Variants in PREX1 observed in about 807,000 individuals in gnomAD.
PREX1 encodes the protein phosphatidylinositol 3,4,5-trisphosphate-dependent Rac exchanger 1 protein.
A neutral mutation model predicts 198.3 loss-of-function variants in PREX1; 41 were observed. That is an observed-to-expected ratio of 0.21 (90% CI 0.16 to 0.27). The LOEUF (loss-of-function observed/expected upper bound fraction) is 0.27. PREX1 is among the 10% of genes least tolerant of loss of function. The probability of loss-of-function intolerance (pLI) is 1.00; values close to 1 mark genes in which losing one functional copy is unlikely to be tolerated. For missense variants in PREX1, 1,620 were observed against 2,200.7 expected, an observed-to-expected ratio of 0.74 and a Z score of 5.28; for synonymous variants, 843 against 887.2, an observed-to-expected ratio of 0.95 and a Z score of 0.89.
At chr20:48,776,104 C>T (rs372393503) in intron 1 of PREX1, among the ~76,000 whole-genome samples, 35 of 152,216 alleles carry the variant, frequency 2.3e-4, no homozygotes, top group East Asian at 1.7e-3. Flanking sequence ...TTCCCCTGGA[C>T]GGTAGAGGAC....
At chr20:48,746,991 CACACACACACACACACA>C (rs2090111215) in intron 2 of PREX1, among the ~76,000 whole-genome samples, 5 of 108,610 alleles carry the variant, frequency 4.6e-5, no homozygotes, top group Admixed American at 3.7e-4. Flanking sequence ...CACACACACA[CACACACACACACACACA>C]CACCCCACCC....
chr20:48,848,749 G>A, the PREX1 span, among the ~76,000 whole-genome samples: 2 of 152,146 alleles, frequency 1.3e-5, no homozygotes, highest in East Asian at 1.9e-4. Context: ...ACATTTTTAG[G>A]GGGGGTGGTT....
the PREX1 span, among the ~76,000 whole-genome samples, chr20:48,860,482 G>A: frequency 6.6e-6 from 1 of 152,160 alleles, no homozygotes; most frequent in South Asian, 2.1e-4. Context: ...TGTACTTAAC[G>A]CGTCTGAACT....
chr20:48,698,640 T>C (rs2089859289), intron 7 of PREX1, among the ~76,000 whole-genome samples: 1 of 152,032 alleles, frequency 6.6e-6, no homozygotes, highest in Non-Finnish European at 1.5e-5. Flanking sequence ...AGCCAGCCAC[T>C]GGGAGATAGC....
In PREX1 at chr20:48,644,459, G is replaced by C. The variant is rs775370573; in HGVS notation, c.3551C>G (p.Thr1184Ser). ...NSNRDSVLSY[T>S]SVRSNSSYLG... ...GTAGGAGCTGTTACTTCTCACGCTG[G>C]TGTAGGACAGGACCGAGTCTCGATT... is the stretch of plus-strand genomic sequence containing the variant. Residue 1184 changes from threonine (T) to serine (S), a missense_variant, in exon 27 of 40, where the codon ACC (threonine) becomes AGC (serine). Transcript: ENST00000371941. 2 of 1,613,852 alleles carry C rather than the reference G, an allele frequency of 1.2e-6. No individual in the cohort carries two copies. Among genetic ancestry groups the C allele is most frequent in the African/African-American group, 2.7e-5 (2 of 74,922 alleles).
At chr20:48,710,754 G>A (rs1046045643) in intron 5 of PREX1, among the ~76,000 whole-genome samples, 18 of 152,242 alleles carry the variant, frequency 1.2e-4, no homozygotes, top group African/African-American at 4.3e-4. Context: ...ACAGGCTTGC[G>A]AGCGAAGCTT....
chr20:48,745,026 A>G lies in PREX1; in HGVS notation c.413T>C (p.Phe138Ser), dbSNP rs1416655798. The change falls in exon 3 of 40, where the codon TTC becomes TCC. Residue 138 changes from phenylalanine to serine, a missense_variant and splice_region_variant. Physicochemically the swap from Phe to Ser is radical, Grantham distance 155 (BLOSUM62 -2). Around this residue, in one of 7 missense-constraint regions of PREX1, gnomAD observed 488 missense variants for 802.5 expected, o/e 0.61. Coordinates refer to ENST00000371941, the MANE Select transcript of PREX1 (RefSeq NM_020820.4). ...CAGGGGCAGTGGCATGGTACTCACG[A>G]ATTTTAAGAAAACATTCCCAAGTTC... The part of the protein sequence containing the change: ...QHELGNVFLK[F>S]KDKFCVYEEY... 1 of 1,613,842 alleles carries G rather than the reference A, an allele frequency of 6.2e-7. No homozygotes were observed. Among genetic ancestry groups the G allele is most frequent in the Admixed American group, 1.7e-5 (1 of 60,002 alleles).
At chr20:48,842,515 G>A in the PREX1 span, among the ~76,000 whole-genome samples, 5 of 151,682 alleles carry the variant, frequency 3.3e-5, no homozygotes, top group African/African-American at 7.3e-5. Context: ...TCTCTTCCAC[G>A]TGGGTATATT....
chr20:48,857,503 C>T, the PREX1 span, among the ~76,000 whole-genome samples: 2 of 152,310 alleles, frequency 1.3e-5, no homozygotes, highest in Admixed American at 6.5e-5. Context: ...GCTATGATCA[C>T]ACCACTGCAC....
rs777462728 is a variant in PREX1 at position 48,627,554 on chromosome 20, G to C, written c.4931C>G (p.Ala1644Gly). Residue 1644 changes from alanine to glycine, a missense_variant, in exon 39 of 40, where the codon GCT (alanine) becomes GGT (glycine). Physicochemically the swap from Ala to Gly is moderately conservative, Grantham distance 60. Around this residue, in one of 7 missense-constraint regions of PREX1, gnomAD observed 476 missense variants for 603.4 expected, o/e 0.79. Coordinates refer to ENST00000371941, the MANE Select transcript of PREX1 (RefSeq NM_020820.4). Reference protein sequence around the residue: ...LRVKDQMPQGAPRLYRLCQPP... With the variant: ...LRVKDQMPQGGPRLYRLCQPP... ...GGACGAGGCAGCCACTCACCGCGGAGCACCCTGGGGCATCTGGTCCTTGAC... is the reference window on the plus strand; with the variant it reads ...GGACGAGGCAGCCACTCACCGCGGACCACCCTGGGGCATCTGGTCCTTGAC... 1 of 1,613,968 alleles carries C rather than the reference G, an allele frequency of 6.2e-7. No individual in the cohort carries two copies. Among genetic ancestry groups the C allele is most frequent in the Non-Finnish European group, 8.5e-7 (1 of 1,179,978 alleles).
intron 18 of PREX1, 125 bp downstream of exon 18, chr20:48,656,915 T>C (rs2089548349): frequency 7.9e-7 from 1 of 1,260,092 alleles, no homozygotes; most frequent in Non-Finnish European, 1.1e-6. Context: ...GTCCAGCTTG[T>C]GTTGTGTGAC....
intron 16 of PREX1, among the ~76,000 whole-genome samples, chr20:48,659,269 C>CGA (rs141388612): frequency 1.3e-4 from 12 of 89,974 alleles, no homozygotes; most frequent in South Asian, 9.4e-4. Context: ...AGGACGGGCA[C>CGA]GAGAGAGAGA....
intron 4 of PREX1, among the ~76,000 whole-genome samples, chr20:48,730,112 T>C (rs1006723589): frequency 6.6e-6 from 1 of 151,996 alleles, no homozygotes; most frequent in Non-Finnish European, 1.5e-5. Flanking sequence ...TTCAGACTTC[T>C]GGCCTCCACA....
At chr20:48,645,174 G>A (rs772300240) in intron 26 of PREX1, among the ~76,000 whole-genome samples, 2 of 152,184 alleles carry the variant, frequency 1.3e-5, no homozygotes, top group African/African-American at 2.4e-5. Flanking sequence ...TGCGAGGACT[G>A]GGGGGAAGGT....
At chr20:48,847,376 AAAAAAAAAC>A in the PREX1 span, among the ~76,000 whole-genome samples, 1 of 151,212 alleles carries the variant, frequency 6.6e-6, no homozygotes, top group Non-Finnish European at 1.5e-5. Flanking sequence ...AAAAAAAAAA[AAAAAAAAAC>A]AAACCCTCCC....
At chr20:48,792,795 C>T (rs1404741192) in intron 1 of PREX1, among the ~76,000 whole-genome samples, 1 of 114,870 alleles carries the variant, frequency 8.7e-6, no homozygotes, top group South Asian at 2.7e-4. Context: ...GTGGAAGAAG[C>T]CAGATACAAA....
the PREX1 span, among the ~76,000 whole-genome samples, chr20:48,851,082 C>T: frequency 6.6e-6 from 1 of 152,206 alleles, no homozygotes; most frequent in Non-Finnish European, 1.5e-5. Flanking sequence ...CCTTTGTTTA[C>T]CTATTGTCTG....
At chr20:48,837,133 A>G in the PREX1 span, among the ~76,000 whole-genome samples, 1 of 152,200 alleles carries the variant, frequency 6.6e-6, no homozygotes, top group Non-Finnish European at 1.5e-5. Flanking sequence ...ATCATCTCAC[A>G]CTAATCAGAA....
At chr20:48,869,867 G>A in the PREX1 span, among the ~76,000 whole-genome samples, 1 of 152,084 alleles carries the variant, frequency 6.6e-6, no homozygotes, top group Non-Finnish European at 1.5e-5. Context: ...AGCGGGGAGA[G>A]AGCATTAGGA....
Sources: gnomAD v4.1 joint callset for allele counts (sites outside exome capture counted in the v4.1 genomes callset) on GRCh38, gnomAD v4.1.1 for gene constraint, gnomAD v4.1.1 regional missense constraint, MANE v1.5 for transcripts, NCBI Gene and HGNC (gene_info 2026-07-23, HGNC 2026-07-21) for gene names.